The following FOLH1 variants were observed in gnomAD, a reference collection of about 807,000 sequenced individuals.
FOLH1 encodes the protein folate hydrolase 1.
In FOLH1, 54 loss-of-function variants were observed where a neutral mutation model predicts 93.9. That is an observed-to-expected ratio of 0.57 (90% confidence interval 0.46 to 0.72). The LOEUF (loss-of-function observed/expected upper bound fraction) is 0.72, where lower values mean the gene tolerates loss of function less well. Ranked by LOEUF, FOLH1 falls within the 30% of genes least tolerant of loss-of-function variation. The probability of loss-of-function intolerance (pLI) is 0.00; values close to 1 mark genes in which losing one functional copy is unlikely to be tolerated. For synonymous variants in FOLH1, 249 were observed against 303.6 expected (o/e 0.82, Z 1.87); for missense variants, 571 against 892.5 (o/e 0.64, Z 4.59).
At chr11:49,152,918 C>T (rs1037967929) in intron 17 of FOLH1, among the ~76,000 whole-genome samples, 7 of 152,038 alleles carry the variant, frequency 4.6e-5, no homozygotes, top group African/African-American at 1.7e-4. Context: ...ACTTTTATAG[C>T]AGTTATAGCA....
intron 4 of FOLH1, among the ~76,000 whole-genome samples, chr11:49,189,374 A>G (rs1590640098): frequency 1.3e-5 from 2 of 152,290 alleles, no homozygotes; most frequent in South Asian, 2.1e-4. Context: ...ACAAATATAC[A>G]TAAGATATTA....
chr11:49,160,041 C>T (rs1177927521), intron 13 of FOLH1, among the ~76,000 whole-genome samples: 1 of 151,652 alleles, frequency 6.6e-6, no homozygotes, highest in Admixed American at 6.6e-5. Flanking sequence ...GCCTCCCGAG[C>T]AGCTGGGATT....
At chr11:49,181,061 CATCCCTCTTTTGTA>C (rs1221727877) in intron 7 of FOLH1, among the ~76,000 whole-genome samples, 1 of 152,006 alleles carries the variant, frequency 6.6e-6, no homozygotes, top group Non-Finnish European at 1.5e-5. Flanking sequence ...TAATATTATG[CATCCCTCTTTTGTA>C]ATTACAAAGA....
At position 49,154,251 on chromosome 11, in the gene FOLH1, A is replaced by G. The variant is rs1335528917; in HGVS notation, c.1865T>C (p.Met622Thr). 3.7e-6 allele frequency: 6 copies of G among 1,613,422 alleles called. No homozygotes were observed. Among genetic ancestry groups the G allele is most frequent in the Non-Finnish European group, 5.1e-6 (6 of 1,179,530 alleles). Residue 622 changes from methionine to threonine, a missense_variant, in exon 16 of 19, where the codon ATG becomes ACG. By Grantham distance (81) the Met-to-Thr change is moderately conservative. Transcript: ENST00000256999. ...YSISMKHPQE[M>T]KTYSVSFDSL... Reference sequence around the variant, plus strand: ...ACCAAATGATACACTGTATGTCTTCATTTCCTGTGGATGTTTCATAGAAAT... The same window carrying G: ...ACCAAATGATACACTGTATGTCTTCGTTTCCTGTGGATGTTTCATAGAAAT...
chr11:49,173,566 C>T, intron 9 of FOLH1, 90 bp from the exon 10 acceptor site: 1 of 903,398 alleles, frequency 1.1e-6, no homozygotes. Flanking sequence ...ATACAAAGCA[C>T]TCACGCCTCA....
chr11:49,165,270 C>G (rs546197850), intron 12 of FOLH1, among the ~76,000 whole-genome samples: 1 of 152,248 alleles, frequency 6.6e-6, no homozygotes, highest in Non-Finnish European at 1.5e-5. Context: ...ATTATTGGCC[C>G]TCCCACTAGA....
chr11:49,167,046 CAA>C (rs76160864), intron 12 of FOLH1, among the ~76,000 whole-genome samples: 9 of 149,726 alleles, frequency 6.0e-5, no homozygotes, highest in Admixed American at 3.3e-4. Context: ...ACAACAACAA[CAA>C]AAAAAAACAG....
intron 13 of FOLH1, among the ~76,000 whole-genome samples, chr11:49,161,266 CTT>C (rs899316921): frequency 3.9e-5 from 6 of 152,170 alleles, no homozygotes; most frequent in Admixed American, 2.6e-4. Flanking sequence ...GTCTAAGTCT[CTT>C]TGAAGGTCTC....
At chr11:49,201,266 A>G (rs1158913461) in intron 2 of FOLH1, among the ~76,000 whole-genome samples, 3 of 148,668 alleles carry the variant, frequency 2.0e-5, no homozygotes, top group Non-Finnish European at 4.5e-5. Flanking sequence ...ATATATATAT[A>G]TATATATATA....
chr11:49,203,305 T>TTTG (rs1863484738), intron 2 of FOLH1, among the ~76,000 whole-genome samples: 1 of 152,160 alleles, frequency 6.6e-6, no homozygotes. Flanking sequence ...CTGGGTGTTT[T>TTTG]CAAAGAAGGG....
intron 11 of FOLH1, among the ~76,000 whole-genome samples, chr11:49,170,240 T>C (rs1192863274): frequency 2.6e-5 from 4 of 152,198 alleles, no homozygotes; most frequent in Non-Finnish European, 5.9e-5. Flanking sequence ...TAGTAAATAT[T>C]CTGTGGTGGA....
Position 49,172,373 on chromosome 11 carries a change from A to T in FOLH1, c.1225+984T>A, listed in dbSNP as rs187227763. Among the ~76,000 whole-genome samples the T allele has an allele frequency of 4.3e-3, 655 of 152,208 alleles. 3 individuals carry two copies. The highest frequency in any genetic ancestry group is 7.2e-3 in the Non-Finnish European group (490 of 68,014). ...AGAAAAAAGAACTGAGCGCCTTTAC[A>T]TTTTATTTTAAATAGAGACATCATG... On this transcript the variant is annotated intron_variant, in intron 10 of 18. Coordinates refer to ENST00000256999, the MANE Select transcript of FOLH1 (RefSeq NM_004476.3).
At position 49,206,188 on chromosome 11, in the gene FOLH1, A is replaced by C; in HGVS notation, c.119-16T>G. ...ATAAACCACCCTGAAAAATACATCCAAAAATAGGCATGAGATACGAGCCTA... is the reference window on the plus strand; with the variant it reads ...ATAAACCACCCTGAAAAATACATCCCAAAATAGGCATGAGATACGAGCCTA... On this transcript the variant is annotated splice_polypyrimidine_tract_variant and intron_variant, in intron 1 of 18. Coordinates refer to ENST00000256999, the MANE Select transcript of FOLH1 (RefSeq NM_004476.3). The C allele has an allele frequency of 6.2e-7, 1 of 1,610,730 alleles. No individual in the cohort carries two copies. Among genetic ancestry groups the C allele is most frequent in the South Asian group, 1.1e-5 (1 of 90,776 alleles).
chr11:49,181,854 G>A (rs1005211655), intron 7 of FOLH1, among the ~76,000 whole-genome samples: 4 of 152,058 alleles, frequency 2.6e-5, no homozygotes, highest in Non-Finnish European at 5.9e-5. Flanking sequence ...CTCCCCAGAC[G>A]TCAGCCTCCT....
At chr11:49,193,574 G>A (rs1365031421) in intron 3 of FOLH1, among the ~76,000 whole-genome samples, 1 of 151,888 alleles carries the variant, frequency 6.6e-6, no homozygotes, top group African/African-American at 2.4e-5. Context: ...ATCCACAACT[G>A]GCCTTATCTA....
intron 1 of FOLH1, 69 bp downstream of exon 1, chr11:49,208,223 C>G: frequency 1.7e-6 from 2 of 1,168,806 alleles, no homozygotes; most frequent in East Asian, 2.6e-5. Context: ...CGGCAGCTGA[C>G]CCGCGAGTCC....
chr11:49,185,964 C>G, intron 5 of FOLH1, 109 bp from the exon 6 acceptor site: 3 of 1,333,466 alleles, frequency 2.2e-6, no homozygotes, highest in Non-Finnish European at 3.0e-6. Context: ...TTATCTTCAA[C>G]CTTTTCTCAT....
chr11:49,178,531 TATATAAGAATCTA>T (rs1435765843), intron 7 of FOLH1, among the ~76,000 whole-genome samples: 1 of 152,200 alleles, frequency 6.6e-6, no homozygotes, highest in African/African-American at 2.4e-5. Flanking sequence ...ATAATAGTTA[TATATAAGAATCTA>T]ATATACCAAT....
rs1565118321 is a variant in FOLH1, at chr11:49,146,356, CG to C, written c.*399del. Among the ~76,000 whole-genome samples the C allele has an allele frequency of 6.6e-6, 1 of 152,196 alleles. No homozygotes were observed. The highest frequency in any genetic ancestry group is 1.9e-4 in the East Asian group (1 of 5,186). The stretch of plus-strand genomic sequence containing the variant: ...CTCAGCCCAGGCTGGCCAGGTAGGC[CG>C]TGAGGCCTCTGGCTTGGGATAATCT... On this transcript the variant is annotated 3_prime_UTR_variant, in exon 19 of 19. Coordinates refer to ENST00000256999, the MANE Select transcript of FOLH1 (RefSeq NM_004476.3).
Sources: allele counts gnomAD v4.1 joint callset (sites outside exome capture counted in the v4.1 genomes callset), GRCh38; gene constraint gnomAD v4.1.1; transcripts MANE v1.5; gene names NCBI Gene and HGNC (gene_info 2026-07-23, HGNC 2026-07-21).